Variants in RALGPS1 observed in about 807,000 individuals in gnomAD.
RALGPS1 encodes ras-specific guanine nucleotide-releasing factor RalGPS1.
Under a neutral mutation model 78.8 loss-of-function variants are expected in RALGPS1, and 19 were observed. The observed-to-expected ratio is 0.24, with a 90% CI of 0.17 to 0.35. RALGPS1 has a LOEUF of 0.35. Ranked by LOEUF, RALGPS1 falls within the 10% of genes least tolerant of loss-of-function variation. The probability of loss-of-function intolerance (pLI) is 1.00; values close to 1 mark genes in which losing one functional copy is unlikely to be tolerated. For synonymous variants in RALGPS1, 228 were observed against 256.3 expected (o/e 0.89, Z 1.06); for missense variants, 454 against 688.3 (o/e 0.66, Z 3.81).
At chr9:127,176,105 TAGAG>T (rs893256320) in intron 11 of RALGPS1, among the ~76,000 whole-genome samples, 13 of 152,070 alleles carry the variant, frequency 8.5e-5, no homozygotes, top group Admixed American at 5.9e-4. Context: ...TCTGATATCT[TAGAG>T]AGACATGCTG....
intron 11 of RALGPS1, among the ~76,000 whole-genome samples, chr9:127,182,375 TCCCTC>T (rs1564738020): frequency 1.6e-5 from 2 of 124,232 alleles, no homozygotes; most frequent in African/African-American, 6.2e-5. Flanking sequence ...CCTTCCTCCC[TCCCTC>T]CCTCCCTCCC....
chr9:127,079,120 C>T (rs1268303778), intron 8 of RALGPS1, among the ~76,000 whole-genome samples: 1 of 152,142 alleles, frequency 6.6e-6, no homozygotes, highest in Admixed American at 6.6e-5. Flanking sequence ...TGGGTAAAAC[C>T]ACACCTGAGA....
intron 1 of RALGPS1, among the ~76,000 whole-genome samples, chr9:126,928,786 G>T (rs922770645): frequency 6.6e-6 from 1 of 152,002 alleles, no homozygotes; most frequent in Non-Finnish European, 1.5e-5. Flanking sequence ...ATTTTTAGTA[G>T]AGACAGGGTT....
chr9:127,014,728 C>T (rs971416637), intron 4 of RALGPS1, among the ~76,000 whole-genome samples: 1 of 152,102 alleles, frequency 6.6e-6, no homozygotes, highest in Admixed American at 6.5e-5. Context: ...AGCCTTCAGT[C>T]CCTGTGCATC....
chr9:126,940,195 G>A (rs1235102513), intron 1 of RALGPS1, among the ~76,000 whole-genome samples: 5 of 152,032 alleles, frequency 3.3e-5, no homozygotes, highest in African/African-American at 1.2e-4. Flanking sequence ...AATCTGTGCT[G>A]CCCAGCCCGC....
intron 4 of RALGPS1, among the ~76,000 whole-genome samples, chr9:127,030,576 C>T (rs1407129341): frequency 1.3e-5 from 2 of 151,994 alleles, no homozygotes; most frequent in African/African-American, 2.4e-5. Context: ...GAGTTTAAGT[C>T]GTTCTCTTGC....
At chr9:127,026,100 G>A (rs929422059) in intron 4 of RALGPS1, among the ~76,000 whole-genome samples, 2 of 152,004 alleles carry the variant, frequency 1.3e-5, no homozygotes, top group Non-Finnish European at 2.9e-5. Context: ...TAACTCACAC[G>A]ATCACAGGGT....
intron 8 of RALGPS1, among the ~76,000 whole-genome samples, chr9:127,165,240 G>A (rs1420058561): frequency 1.3e-5 from 2 of 152,260 alleles, no homozygotes; most frequent in African/African-American, 4.8e-5. Context: ...CTGAAAGGAC[G>A]TTCCATCCTT....
chr9:127,143,824 G>A lies in RALGPS1; in HGVS notation c.611-22245G>A, dbSNP rs111532234. Among the ~76,000 whole-genome samples the A allele has an allele frequency of 2.6e-5, 4 of 152,332 alleles. 1 individual carries two copies. The highest frequency in any genetic ancestry group is 9.6e-5 in the African/African-American group (4 of 41,572). On this transcript the variant is annotated intron_variant, in intron 8 of 18. Coordinates refer to ENST00000259351, the MANE Select transcript of RALGPS1 (RefSeq NM_014636.3). ...CTGAAAACAACCCTTCTTTCTAGGT[G>A]CTCCGTAATTACCAAGACAGAGGTC... is the stretch of plus-strand genomic sequence containing the variant.
At chr9:127,069,644 G>A (rs1023777132) in intron 8 of RALGPS1, 13 of 262,848 alleles carry the variant, frequency 4.9e-5, no homozygotes, top group Middle Eastern at 1.2e-3. Context: ...GATAAGACTC[G>A]TACTGGTTCA....
intron 7 of RALGPS1, among the ~76,000 whole-genome samples, chr9:127,064,907 T>G (rs1403786082): frequency 6.6e-6 from 1 of 151,846 alleles, no homozygotes; most frequent in Non-Finnish European, 1.5e-5. Flanking sequence ...GTTTTGTTTG[T>G]TTTGTTCTTG....
At position 127,098,458 on chromosome 9, in the gene RALGPS1, G is replaced by A. The variant is rs184016199; in HGVS notation, c.610+29102G>A. Among the ~76,000 whole-genome samples, 7 of 152,178 alleles carry A rather than the reference G, an allele frequency of 4.6e-5. No individual in the cohort carries two copies. The East Asian group carries it at 5.8e-4, about 13-fold the overall frequency. Reference sequence around the variant, plus strand: ...GGGGAGCTGTGGCCAAATGTTCCACGTGAAGAGAAATGCAGCCCCGTGGCT... The same window carrying A: ...GGGGAGCTGTGGCCAAATGTTCCACATGAAGAGAAATGCAGCCCCGTGGCT... On this transcript the variant is annotated intron_variant, in intron 8 of 18. Transcript: ENST00000259351.
intron 8 of RALGPS1, among the ~76,000 whole-genome samples, chr9:127,156,829 T>C (rs2058729649): frequency 1.3e-5 from 2 of 152,082 alleles, no homozygotes; most frequent in African/African-American, 2.4e-5. Context: ...AAAATTATTC[T>C]TCTGTATTTT....
chr9:126,996,175 T>A (rs1444583749), intron 4 of RALGPS1, among the ~76,000 whole-genome samples: 1 of 152,010 alleles, frequency 6.6e-6, no homozygotes, highest in African/African-American at 2.4e-5. Context: ...AAGAAATAAC[T>A]AAAATCAGAG....
Position 126,962,319 on chromosome 9 carries a change from C to A in RALGPS1, c.30C>A (p.Ser10Arg), listed in dbSNP as rs144538015. 4 of 1,614,042 alleles carry A rather than the reference C, an allele frequency of 2.5e-6. No individual in the cohort carries two copies. Among genetic ancestry groups the A allele is most frequent in the Non-Finnish European group, 3.4e-6 (4 of 1,180,020 alleles). The change falls in exon 2 of 19, where the codon AGC becomes AGA. Residue 10 changes from serine to arginine, a missense_variant. Transcript: ENST00000259351. ...ACAAGAGGAATGGTCTGATGGCTAG[C>A]GTGTTGGTCACCTCTGCCACTCCAC... is the stretch of plus-strand genomic sequence containing the variant. The part of the protein sequence containing the change: MYKRNGLMA[S>R]VLVTSATPQG...
At chr9:127,092,298 A>G (rs2136440577) in intron 8 of RALGPS1, among the ~76,000 whole-genome samples, 1 of 152,198 alleles carries the variant, frequency 6.6e-6, no homozygotes, top group Non-Finnish European at 1.5e-5. Flanking sequence ...CAAATCTCTG[A>G]CCTTCACTGA....
At chr9:127,160,806 G>A (rs925716521) in intron 8 of RALGPS1, among the ~76,000 whole-genome samples, 4 of 152,246 alleles carry the variant, frequency 2.6e-5, no homozygotes, top group African/African-American at 9.6e-5. Context: ...CTTGCAAGCT[G>A]TGTGATCTTG....
At position 127,037,896 on chromosome 9, in the gene RALGPS1, A is replaced by G. The variant is rs112010965; in HGVS notation, c.300+3382A>G. 1.4e-3 allele frequency among the ~76,000 whole-genome samples: 220 copies of G among 152,346 alleles called. 1 individual carries two copies. The highest frequency in any genetic ancestry group is 5.0e-3 in the African/African-American group (206 of 41,586). On this transcript the variant is annotated intron_variant, in intron 5 of 18. Transcript: ENST00000259351. ...CCAGGTCTTGGAAACAGGCCTTCCTATGGAGGAGAGGCGGTAGGCCTAGGC... is the reference window on the plus strand; with the variant it reads ...CCAGGTCTTGGAAACAGGCCTTCCTGTGGAGGAGAGGCGGTAGGCCTAGGC...
At position 127,188,143 on chromosome 9, in the gene RALGPS1, C is replaced by T. The variant is rs541765419; in HGVS notation, c.911-6948C>T. 2.1e-5 allele frequency among the ~76,000 whole-genome samples: 3 copies of T among 141,204 alleles called. No homozygotes were observed. The South Asian group carries it at 7.5e-4, about 35-fold the overall frequency. The allele number at this position is 141,204 out of a possible 152,430, so 92.6% of individuals were successfully genotyped here. The stretch of plus-strand genomic sequence containing the variant: ...GTGGCGCGATCTAGGCTCACTGCAA[C>T]CTCTGCCTCCTGGGTTCAAGTGATT... On this transcript the variant is annotated intron_variant, in intron 11 of 18. Transcript: ENST00000259351.
Sources: gnomAD v4.1 joint callset for allele counts (sites outside exome capture counted in the v4.1 genomes callset) on GRCh38, gnomAD v4.1.1 for gene constraint, MANE v1.5 for transcripts, NCBI Gene and HGNC (gene_info 2026-07-23, HGNC 2026-07-21) for gene names.